RIMS2: variants seen among roughly 807,000 people sequenced by gnomAD.
RIMS2 encodes regulating synaptic membrane exocytosis 2.
Under a neutral mutation model 174.4 loss-of-function variants are expected in RIMS2, and 59 were observed. The observed-to-expected ratio is 0.34, with a 90% CI of 0.27 to 0.42. The LOEUF (loss-of-function observed/expected upper bound fraction) is 0.42, where lower values mean the gene tolerates loss of function less well. Among genes scored for constraint, RIMS2 ranks in the 10% least tolerant of loss-of-function variants. The probability of loss-of-function intolerance (pLI) is 1.00; values close to 1 mark genes in which losing one functional copy is unlikely to be tolerated. For missense variants in RIMS2, 1,620 were observed against 1,666.3 expected (o/e 0.97, Z 0.48); for synonymous variants, 606 against 572.5 (o/e 1.06, Z -0.84).
At chr8:104,097,700 A>G (rs1458460893) in intron 19 of RIMS2, among the ~76,000 whole-genome samples, 1 of 152,074 alleles carries the variant, frequency 6.6e-6, no homozygotes, top group African/African-American at 2.4e-5. Flanking sequence ...TGGCACTCAG[A>G]AAGTTTTGGA....
chr8:103,876,864 T>TTTTTATA (rs1378279723), intron 3 of RIMS2, among the ~76,000 whole-genome samples: 2 of 68,106 alleles, frequency 2.9e-5, no homozygotes, highest in Non-Finnish European at 6.2e-5. Context: ...ACACACTATT[T>TTTTTATA]TATATATATA....
At chr8:104,161,543 A>G (rs1025438364) in intron 19 of RIMS2, among the ~76,000 whole-genome samples, 1 of 152,332 alleles carries the variant, frequency 6.6e-6, no homozygotes, top group South Asian at 2.1e-4. Flanking sequence ...TTTTGTCAAT[A>G]AGAAAGACTA....
chr8:104,121,635 C>A (rs1009614630), intron 19 of RIMS2, among the ~76,000 whole-genome samples: 2 of 152,164 alleles, frequency 1.3e-5, no homozygotes, highest in East Asian at 1.9e-4. Flanking sequence ...TAATAAATAT[C>A]TTTTGAGTGC....
chr8:104,080,440 T>G (rs971352436), intron 19 of RIMS2, among the ~76,000 whole-genome samples: 7 of 152,020 alleles, frequency 4.6e-5, no homozygotes, highest in Non-Finnish European at 1.0e-4. Context: ...AGTGTAAGGC[T>G]CTCTACTAGA....
intron 19 of RIMS2, among the ~76,000 whole-genome samples, chr8:104,049,030 T>G (rs2096739958): frequency 6.6e-6 from 1 of 152,114 alleles, no homozygotes; most frequent in African/African-American, 2.4e-5. Flanking sequence ...GAAAATTTCT[T>G]TTAATAGTAG....
chr8:104,045,768 GA>G (rs907560561), intron 19 of RIMS2, among the ~76,000 whole-genome samples: 4 of 151,724 alleles, frequency 2.6e-5, no homozygotes, highest in African/African-American at 9.7e-5. Context: ...AAGAGTTTGA[GA>G]AAATATGTTA....
intron 19 of RIMS2, among the ~76,000 whole-genome samples, chr8:104,039,898 A>G (rs1327513893): frequency 1.3e-5 from 2 of 151,618 alleles, no homozygotes; most frequent in African/African-American, 4.8e-5. Context: ...ATGATTTGTA[A>G]TTTAATTGTG....
At chr8:103,983,789 A>G (rs1483618312) in intron 16 of RIMS2, among the ~76,000 whole-genome samples, 1 of 152,204 alleles carries the variant, frequency 6.6e-6, no homozygotes, top group Non-Finnish European at 1.5e-5. Flanking sequence ...TAAATCTATG[A>G]AACTATTACA....
chr8:104,241,318 C>T (rs2099292373), intron 19 of RIMS2, among the ~76,000 whole-genome samples: 1 of 152,102 alleles, frequency 6.6e-6, no homozygotes, highest in Middle Eastern at 3.4e-3. Context: ...CTTCTGGGGC[C>T]CTTAGATGCT....
At chr8:103,691,395 CTG>C (rs2097023182) in intron 1 of RIMS2, among the ~76,000 whole-genome samples, 1 of 152,158 alleles carries the variant, frequency 6.6e-6, no homozygotes, top group South Asian at 2.1e-4. Context: ...CCTCTTCTGA[CTG>C]TGTATTTTCA....
chr8:103,912,970 G>GTAT (rs1428203394), intron 6 of RIMS2, among the ~76,000 whole-genome samples: 10 of 114,906 alleles, frequency 8.7e-5, no homozygotes, highest in Non-Finnish European at 1.8e-4. Flanking sequence ...TTTTTTTGTT[G>GTAT]TTTTTTTTTT....
intron 3 of RIMS2, among the ~76,000 whole-genome samples, chr8:103,839,052 G>A (rs1199503217): frequency 1.3e-5 from 2 of 151,960 alleles, no homozygotes; most frequent in Non-Finnish European, 2.9e-5. Flanking sequence ...GCGACAGGGC[G>A]ACACTCCGTC....
At chr8:103,766,104 G>A in intron 2 of RIMS2, 123 bp from the exon 6 acceptor site, 1 of 598,498 alleles carries the variant, frequency 1.7e-6, no homozygotes, top group Non-Finnish European at 2.9e-6. Flanking sequence ...AGTGAATTAG[G>A]ATTATGTTTT....
chr8:103,997,639 A>C (rs189817309), intron 17 of RIMS2, among the ~76,000 whole-genome samples: 1 of 151,870 alleles, frequency 6.6e-6, no homozygotes, highest in African/African-American at 2.4e-5. Context: ...AGTGAATGGA[A>C]AAATGAATAG....
chr8:104,150,990 G>GT (rs1349665829), intron 19 of RIMS2, among the ~76,000 whole-genome samples: 7 of 152,142 alleles, frequency 4.6e-5, no homozygotes, highest in Non-Finnish European at 1.0e-4. Context: ...CAATAAAGAG[G>GT]TAAACTTAAG....
chr8:104,014,523 G>A (rs1307973611), exon 19 of RIMS2: 5 of 1,608,262 alleles, frequency 3.1e-6, no homozygotes, highest in Non-Finnish European at 3.4e-6. Context: ...CCTCGTACTG[G>A]GTCTGTCCAG....
At chr8:103,905,160 G>A (rs1401292899) in intron 4 of RIMS2, among the ~76,000 whole-genome samples, 1 of 152,068 alleles carries the variant, frequency 6.6e-6, no homozygotes, top group Non-Finnish European at 1.5e-5. Flanking sequence ...CTCAAGAGGA[G>A]AAGAAAACCC....
At chr8:104,164,639 A>G (rs1238668609) in intron 19 of RIMS2, among the ~76,000 whole-genome samples, 1 of 152,204 alleles carries the variant, frequency 6.6e-6, no homozygotes, top group Non-Finnish European at 1.5e-5. Context: ...GAATGAGATT[A>G]TGTTCTTTTC....
chr8:103,573,212 C>G (rs911204308), intron 1 of RIMS2, among the ~76,000 whole-genome samples: 2 of 151,726 alleles, frequency 1.3e-5, no homozygotes, highest in Non-Finnish European at 2.9e-5. Context: ...CATGCCACCA[C>G]GCCCAGCTAA....
Sources: gnomAD v4.1 joint callset for allele counts (sites outside exome capture counted in the v4.1 genomes callset) on GRCh38, gnomAD v4.1.1 for gene constraint, MANE v1.5 for transcripts, NCBI Gene and HGNC (gene_info 2026-07-23, HGNC 2026-07-21) for gene names.